Variants in COL22A1 observed in about 807,000 individuals in gnomAD.
The protein encoded by COL22A1 is collagen alpha-1(XXII) chain.
COL22A1 carries 221 observed loss-of-function variants against 248.9 expected under a neutral mutation model. The ratio of observed to expected loss-of-function variants is 0.89; its 90% confidence interval spans 0.80 to 0.99. The LOEUF is 0.99. COL22A1 is among the 50% of genes least tolerant of loss of function. The pLI is 0.00. For missense variants in COL22A1, 2,240 were observed against 2,179.0 expected (o/e 1.03, Z -0.56); for synonymous variants, 891 against 793.4 (o/e 1.12, Z -2.07).
intron 9 of COL22A1, among the ~76,000 whole-genome samples, chr8:138,808,857 C>A (rs1001756430): frequency 6.6e-6 from 1 of 152,180 alleles, no homozygotes; most frequent in Non-Finnish European, 1.5e-5. Flanking sequence ...TCACCTAGCG[C>A]CCACAAGAGT....
intron 41 of COL22A1, among the ~76,000 whole-genome samples, chr8:138,675,041 C>G (rs1372663053): frequency 4.6e-5 from 7 of 152,164 alleles, no homozygotes; most frequent in African/African-American, 1.7e-4. Context: ...ACTAGACATT[C>G]CCAAGGGCAT....
chr8:138,623,266 G>T (rs201971173), intron 52 of COL22A1, among the ~76,000 whole-genome samples: 2 of 5,438 alleles, frequency 3.7e-4, no homozygotes, highest in Non-Finnish European at 1.2e-3. Context: ...ATATTTATGT[G>T]TGTGTGTGTG....
chr8:138,736,470 G>C (rs1831119535), intron 23 of COL22A1, among the ~76,000 whole-genome samples: 1 of 152,086 alleles, frequency 6.6e-6, no homozygotes, highest in African/African-American at 2.4e-5. Flanking sequence ...GGGAGGAAGG[G>C]ATTTGAAGCC....
intron 22 of COL22A1, among the ~76,000 whole-genome samples, chr8:138,739,993 C>A (rs539883366): frequency 2.6e-5 from 4 of 152,326 alleles, no homozygotes; most frequent in Admixed American, 2.6e-4. Context: ...CACTGGGTTT[C>A]TCCATCCATC....
chr8:138,909,163 T>A (rs546270711), intron 1 of COL22A1, among the ~76,000 whole-genome samples: 1 of 152,334 alleles, frequency 6.6e-6, no homozygotes, highest in Non-Finnish European at 1.5e-5. Context: ...TGTACTTGTG[T>A]TTTATTTTGT....
At chr8:138,597,170 C>T (rs1248090612) in intron 61 of COL22A1, among the ~76,000 whole-genome samples, 200 bp from the exon 62 acceptor site, 1 of 152,204 alleles carries the variant, frequency 6.6e-6, no homozygotes, top group African/African-American at 2.4e-5. Flanking sequence ...CCATTTTACA[C>T]AGCAACCCGG....
At chr8:138,660,947 A>C (rs1298282305) in intron 43 of COL22A1, among the ~76,000 whole-genome samples, 4 of 133,518 alleles carry the variant, frequency 3.0e-5, no homozygotes, top group South Asian at 2.3e-4. Context: ...CACACACATA[A>C]ACACACAGAC....
intron 61 of COL22A1, among the ~76,000 whole-genome samples, chr8:138,597,459 T>C (rs985031392): frequency 2.0e-5 from 3 of 152,164 alleles, no homozygotes; most frequent in Non-Finnish European, 4.4e-5. Context: ...CCTGCTTAGG[T>C]CCACTGTGGC....
At chr8:138,791,991 G>C (rs1020991982) in intron 12 of COL22A1, among the ~76,000 whole-genome samples, 2 of 152,074 alleles carry the variant, frequency 1.3e-5, no homozygotes, top group Non-Finnish European at 2.9e-5. Context: ...ATGGATTTCT[G>C]TGAAAATGCT....
chr8:138,626,072 C>T lies in COL22A1; in HGVS notation c.3717+118G>A, dbSNP rs1416610796. 4.0e-5 allele frequency: 29 copies of T among 732,782 alleles called. No individual in the cohort carries two copies. In the South Asian group the frequency reaches 5.5e-4, roughly 14 times the overall value. 45.4% of individuals were successfully genotyped at this position (732,782 alleles called of 1,614,324 possible). On this transcript the variant is annotated intron_variant, in intron 51 of 64. Coordinates refer to ENST00000303045, the MANE Select transcript of COL22A1 (RefSeq NM_152888.3). ...TTATTTTGTTTCTAATTTTCTACAA[C>T]ACTCAAAATTCTAGTGGCCAGGCCT... is the stretch of plus-strand genomic sequence containing the variant.
chr8:138,799,801 A>C (rs573316868), intron 11 of COL22A1, among the ~76,000 whole-genome samples: 3 of 152,114 alleles, frequency 2.0e-5, no homozygotes, highest in Non-Finnish European at 4.4e-5. Context: ...TCCCCTTTGC[A>C]TGGGTAGCTG....
At chr8:138,643,772 T>C (rs921704111) in intron 47 of COL22A1, among the ~76,000 whole-genome samples, 8 of 152,144 alleles carry the variant, frequency 5.3e-5, no homozygotes, top group African/African-American at 1.7e-4. Flanking sequence ...CAATCTTCAC[T>C]CACTACAACC....
chr8:138,879,268 C>T (rs1217505194), intron 2 of COL22A1, among the ~76,000 whole-genome samples: 1 of 152,154 alleles, frequency 6.6e-6, no homozygotes, highest in Non-Finnish European at 1.5e-5. Flanking sequence ...CACAGATGAA[C>T]ATAATTGATT....
At chr8:138,760,785 G>A (rs891609420) in intron 17 of COL22A1, among the ~76,000 whole-genome samples, 1 of 152,166 alleles carries the variant, frequency 6.6e-6, no homozygotes, top group Admixed American at 6.5e-5. Context: ...AGAGGATGCT[G>A]AAGACTTGTC....
intron 22 of COL22A1, among the ~76,000 whole-genome samples, chr8:138,746,396 G>T (rs981030228): frequency 6.6e-6 from 1 of 152,166 alleles, no homozygotes; most frequent in Non-Finnish European, 1.5e-5. Context: ...ATAATTTTTT[G>T]AATAAGTCAT....
chr8:138,681,625 A>T (rs1026937882), intron 39 of COL22A1, among the ~76,000 whole-genome samples: 6 of 152,140 alleles, frequency 3.9e-5, no homozygotes, highest in Non-Finnish European at 8.8e-5. Flanking sequence ...TGAGCACTGC[A>T]GATCGGACTG....
At chr8:138,608,069 C>G in intron 56 of COL22A1, 80 bp from the exon 57 acceptor site, 1 of 1,355,184 alleles carries the variant, frequency 7.4e-7, no homozygotes, top group Non-Finnish European at 1.0e-6. Context: ...GACTGATGCA[C>G]AGGACTTGGT....
chr8:138,660,294 C>T (rs1280473967), intron 44 of COL22A1, 142 bp downstream of exon 44: 1 of 675,372 alleles, frequency 1.5e-6, no homozygotes, highest in South Asian at 1.8e-5. Context: ...AGTCTCACAA[C>T]ATCCCATATT....
chr8:138,754,887 C>T (rs764315921), intron 21 of COL22A1, among the ~76,000 whole-genome samples: 5 of 152,212 alleles, frequency 3.3e-5, no homozygotes, highest in Admixed American at 1.3e-4. Context: ...CATCATGGCC[C>T]GCTGGGGACT....
Sources: gnomAD v4.1 joint callset for allele counts (sites outside exome capture counted in the v4.1 genomes callset) on GRCh38, gnomAD v4.1.1 for gene constraint, MANE v1.5 for transcripts, NCBI Gene and HGNC (gene_info 2026-07-23, HGNC 2026-07-21) for gene names.